The following KCNK12 variants were observed in gnomAD, a reference collection of about 807,000 sequenced individuals.
KCNK12 encodes the protein potassium channel subfamily K member 12.
In KCNK12, 6 loss-of-function variants were observed where a neutral mutation model predicts 25.3. The ratio of observed to expected loss-of-function variants is 0.24; its 90% CI spans 0.13 to 0.47. The LOEUF (loss-of-function observed/expected upper bound fraction) is 0.47, where lower values mean the gene tolerates loss of function less well. Among genes scored for constraint, KCNK12 ranks in the 20% least tolerant of loss-of-function variants. KCNK12 has a pLI of 0.99. For synonymous variants in KCNK12, 331 were observed against 311.1 expected, an observed-to-expected ratio of 1.06 and a Z score of -0.67; for missense variants, 444 against 661.7, an observed-to-expected ratio of 0.67 and a Z score of 3.61.
rs1669548700 is a variant in KCNK12 at position 47,556,263 on chromosome 2, G to A, written c.391+13678C>T. Among the ~76,000 whole-genome samples, 1 of 152,242 alleles carries A rather than the reference G, an allele frequency of 6.6e-6. No individual in the cohort carries two copies. Among genetic ancestry groups the A allele is most frequent in the African/African-American group, 2.4e-5 (1 of 41,464 alleles). The stretch of plus-strand genomic sequence containing the variant: ...AGCCCTGGAGGAAGTTAGAGGAAGT[G>A]AGACCCAGTGAAGCTGGCATTTGTA... On this transcript the variant is annotated intron_variant, in intron 1 of 1. Transcript: ENST00000327876. This position sits in a 1 kb window ranked among gnomAD's most constrained non-coding sequence, Gnocchi z 4.8.
chr2:47,553,596 C>G (rs1045884673), intron 1 of KCNK12, among the ~76,000 whole-genome samples: 3 of 152,132 alleles, frequency 2.0e-5, no homozygotes, highest in Non-Finnish European at 4.4e-5. Flanking sequence ...TTTAGACTAA[C>G]GAGGTTGCCT....
At chr2:47,522,456 T>G (rs1269820851) in intron 1 of KCNK12, among the ~76,000 whole-genome samples, 1 of 152,194 alleles carries the variant, frequency 6.6e-6, no homozygotes, top group Non-Finnish European at 1.5e-5. Context: ...TACAGGCACT[T>G]CGAAAAGGCC....
In KCNK12 at chr2:47,525,002, T is replaced by C. The variant is rs1322191707; in HGVS notation, c.392-3194A>G. Among the ~76,000 whole-genome samples, 2 of 152,110 alleles carry C rather than the reference T, an allele frequency of 1.3e-5. No homozygotes were observed. The highest frequency in any genetic ancestry group is 4.8e-5 in the African/African-American group (2 of 41,380). On this transcript the variant is annotated intron_variant, in intron 1 of 1. Transcript: ENST00000327876. The surrounding 1 kb of genome is among the most constrained non-coding windows in gnomAD (Gnocchi z 4.1). ...TAACTCTGTTAAATTCCTAAGGTAA[T>C]TGAAAATCCTGGGCCTGGAAAACCA...
Position 47,569,862 on chromosome 2 carries a change from G to T in KCNK12, c.391+79C>A. 2.6e-6 allele frequency: 3 copies of T among 1,175,236 alleles called. No individual in the cohort carries two copies. The highest frequency in any genetic ancestry group is 3.3e-6 in the Non-Finnish European group (3 of 913,042). 72.8% of individuals were successfully genotyped at this position (1,175,236 alleles called of 1,614,324 possible). A position where few individuals can be genotyped will look rare whatever the true frequency, so the allele number is the denominator to read the frequency against. On this transcript the variant is annotated intron_variant, in intron 1 of 1. Coordinates refer to ENST00000327876, the MANE Select transcript of KCNK12 (RefSeq NM_022055.2). This position sits in a 1 kb window ranked among gnomAD's most constrained non-coding sequence, Gnocchi z 4.1. ...AGGGAAGGCAGAGCCGAGGGACGCGGACCGAGCGGCCGAGCAGTGGAAAGG... is the reference window on the plus strand; with the variant it reads ...AGGGAAGGCAGAGCCGAGGGACGCGTACCGAGCGGCCGAGCAGTGGAAAGG...
rs1025563770 is a variant in KCNK12, at chr2:47,557,875, G to A, written c.391+12066C>T. Among the ~76,000 whole-genome samples the A allele has an allele frequency of 1.3e-5, 2 of 152,146 alleles. No individual in the cohort carries two copies. Among genetic ancestry groups the A allele is most frequent in the Admixed American group, 6.5e-5 (1 of 15,278 alleles). On this transcript the variant is annotated intron_variant, in intron 1 of 1. Coordinates refer to ENST00000327876, the MANE Select transcript of KCNK12 (RefSeq NM_022055.2). The surrounding 1 kb of genome is among the most constrained non-coding windows in gnomAD (Gnocchi z 4.9). ...ATTCGGGGACTGTGAAGGTAGAAAC[G>A]GCAGTAAGGTGGACTTCATGCAGCT...
intron 1 of KCNK12, chr2:47,543,830 G>C (rs761369518): frequency 1.3e-5 from 2 of 152,212 alleles, no homozygotes; most frequent in South Asian, 4.1e-4. Flanking sequence ...CATGTTTAAA[G>C]TCTTTGTTTC....
Position 47,510,715 on chromosome 2 carries a change from GGTAGAGGAGCAGACAAGATGGT to G in KCNK12, c.*10170_*10191del, listed in dbSNP as rs1190332936. ...TAGAACTTATCTTAGGGCAATTTTA[GGTAGAGGAGCAGACAAGATGGT>G]GTACAGGAGAAACAGGTCTATTAAC... On this transcript the variant is annotated 3_prime_UTR_variant, in exon 2 of 2. Coordinates refer to ENST00000327876, the MANE Select transcript of KCNK12 (RefSeq NM_022055.2). 1.3e-5 allele frequency: 2 copies of G among 152,190 alleles called. No individual in the cohort carries two copies. The highest frequency in any genetic ancestry group is 4.8e-5 in the African/African-American group (2 of 41,442). 9.4% of individuals were successfully genotyped at this position (152,190 alleles called of 1,614,324 possible).
At position 47,525,946 on chromosome 2, in the gene KCNK12, T is replaced by A. The variant is rs1668760645; in HGVS notation, c.392-4138A>T. 6.6e-6 allele frequency among the ~76,000 whole-genome samples: 1 copy of A among 152,136 alleles called. No homozygotes were observed. Among genetic ancestry groups the A allele is most frequent in the Non-Finnish European group, 1.5e-5 (1 of 68,010 alleles). ...CTCCAGTGATGTAAGATCACCCCCATGCCCCATCCACTGCGGGTCCCCTGA... is the reference window on the plus strand; with the variant it reads ...CTCCAGTGATGTAAGATCACCCCCAAGCCCCATCCACTGCGGGTCCCCTGA... On this transcript the variant is annotated intron_variant, in intron 1 of 1. Coordinates refer to ENST00000327876, the MANE Select transcript of KCNK12 (RefSeq NM_022055.2). This position sits in a 1 kb window ranked among gnomAD's most constrained non-coding sequence, Gnocchi z 4.1.
chr2:47,526,688 G>A (rs964658314), intron 1 of KCNK12, among the ~76,000 whole-genome samples: 11 of 152,106 alleles, frequency 7.2e-5, no homozygotes, highest in Admixed American at 2.0e-4. Context: ...AGCCAAGATC[G>A]CGCCACTGCC....
intron 1 of KCNK12, among the ~76,000 whole-genome samples, chr2:47,553,248 T>C (rs1038835543): frequency 6.6e-6 from 1 of 152,242 alleles, no homozygotes; most frequent in Non-Finnish European, 1.5e-5. Context: ...TTATAACGCA[T>C]AGATTATGAA....
intron 1 of KCNK12, among the ~76,000 whole-genome samples, chr2:47,561,862 CACTAA>C (rs1248716867): frequency 6.6e-6 from 1 of 152,168 alleles, no homozygotes; most frequent in Non-Finnish European, 1.5e-5. Flanking sequence ...TTAGAGTCGA[CACTAA>C]ACTATACTGG....
rs1480710995 is a variant in KCNK12 at position 47,538,302 on chromosome 2, A to T, written c.392-16494T>A. 1.3e-5 allele frequency among the ~76,000 whole-genome samples: 2 copies of T among 152,130 alleles called. No homozygotes were observed. The highest frequency in any genetic ancestry group is 3.2e-3 in the Middle Eastern group (1 of 316). On this transcript the variant is annotated intron_variant, in intron 1 of 1. Coordinates refer to ENST00000327876, the MANE Select transcript of KCNK12 (RefSeq NM_022055.2). This position sits in a 1 kb window ranked among gnomAD's most constrained non-coding sequence, Gnocchi z 4.5. ...AAAATAAAAAATAGAGCAGGCTAAG[A>T]GGGTGAGGAGTGTGCGGGCAGGGAG... is the stretch of plus-strand genomic sequence containing the variant.
intron 1 of KCNK12, chr2:47,564,217 C>T (rs919098992): frequency 1.7e-5 from 4 of 230,824 alleles, no homozygotes; most frequent in Non-Finnish European, 2.6e-5. Context: ...ACTGTCCAGT[C>T]GCTCCTAGGC....
chr2:47,552,870 G>A (rs1220138881), intron 1 of KCNK12, among the ~76,000 whole-genome samples: 1 of 152,184 alleles, frequency 6.6e-6, no homozygotes, highest in East Asian at 1.9e-4. Flanking sequence ...AGGGGGGAAT[G>A]GAGAGCAAGA....
intron 1 of KCNK12, chr2:47,561,997 G>A: frequency 2.5e-6 from 1 of 398,438 alleles, no homozygotes; most frequent in Non-Finnish European, 4.4e-6. Context: ...ACTGAATGGT[G>A]ATATGTCCTG....
rs1245780267 is a variant in KCNK12, at chr2:47,513,486, T to C, written c.*7421A>G. ...CTTCCTCCTGTCCCTTAAATGCTGG[T>C]TGTGATCCTCTTTTTATCTCATTCT... is the stretch of plus-strand genomic sequence containing the variant. On this transcript the variant is annotated 3_prime_UTR_variant, in exon 2 of 2. Transcript: ENST00000327876. 6.6e-6 allele frequency among the ~76,000 whole-genome samples: 1 copy of C among 152,154 alleles called. No individual in the cohort carries two copies. Among genetic ancestry groups the C allele is most frequent in the Non-Finnish European group, 1.5e-5 (1 of 68,036 alleles).
intron 1 of KCNK12, chr2:47,535,341 G>C (rs1203134606): frequency 4.3e-6 from 1 of 233,142 alleles, no homozygotes; most frequent in African/African-American, 2.2e-5. Context: ...TCAGCACATG[G>C]GTCTCTCTCT....
Position 47,561,998 on chromosome 2 carries a change from A to G in KCNK12, c.391+7943T>C, listed in dbSNP as rs1042418629. On this transcript the variant is annotated intron_variant, in intron 1 of 1. Transcript: ENST00000327876. ...GGAGAAACTGAGGCACTGAATGGTGATATGTCCTGCCTAAAGCCACGCAGC... is the reference window on the plus strand; with the variant it reads ...GGAGAAACTGAGGCACTGAATGGTGGTATGTCCTGCCTAAAGCCACGCAGC... The G allele has an allele frequency of 3.3e-5, 13 of 398,380 alleles. No individual in the cohort carries two copies. In the East Asian group the frequency reaches 4.6e-4, roughly 14 times the overall value. The allele number at this position is 398,380 out of a possible 1,614,324, so 24.7% of individuals were successfully genotyped here. A position where few individuals can be genotyped will look rare whatever the true frequency, so the allele number is the denominator to read the frequency against.
In KCNK12 at chr2:47,570,234, T is replaced by A; in HGVS notation, c.98A>T (p.Asn33Ile). ...CCCCCRRSHL[N>I]EDTGRFVLLA... ...CAGCACGAAGCGGCCGGTGTCCTCG[T>A]TGAGGTGCGAACGGCGGCAGCAGCA... The change falls in exon 1 of 2, where the codon AAC (asparagine) becomes ATC (isoleucine). Residue 33 changes from asparagine to isoleucine, a missense_variant. Coordinates refer to ENST00000327876, the MANE Select transcript of KCNK12 (RefSeq NM_022055.2). The A allele has an allele frequency of 6.8e-7, 1 of 1,471,760 alleles. No individual in the cohort carries two copies. Among genetic ancestry groups the A allele is most frequent in the East Asian group, 2.9e-5 (1 of 34,470 alleles). The allele number at this position is 1,471,760 out of a possible 1,614,324, so 91.2% of individuals were successfully genotyped here.
Sources: gnomAD v4.1 joint callset for allele counts (sites outside exome capture counted in the v4.1 genomes callset) on GRCh38, gnomAD v4.1.1 for gene constraint, Gnocchi (gnomAD v3.1) non-coding constraint, MANE v1.5 for transcripts, NCBI Gene and HGNC (gene_info 2026-07-23, HGNC 2026-07-21) for gene names.